AUTS2: variants seen among roughly 807,000 people sequenced by gnomAD.
AUTS2 encodes the protein activator of transcription and developmental regulator AUTS2.
Under a neutral mutation model 112.4 loss-of-function variants are expected in AUTS2, and 17 were observed. That is an observed-to-expected ratio of 0.15 (90% confidence interval 0.10 to 0.23). The LOEUF is 0.23. Ranked by LOEUF, AUTS2 falls within the 10% of genes least tolerant of loss-of-function variation. The pLI is 1.00. For missense variants in AUTS2, 1,510 were observed against 1,701.6 expected (o/e 0.89, Z 1.98); for synonymous variants, 751 against 702.7 (o/e 1.07, Z -1.09).
At chr7:69,788,849 C>A (rs930940079) in intron 1 of AUTS2, among the ~76,000 whole-genome samples, 1 of 151,410 alleles carries the variant, frequency 6.6e-6, no homozygotes, top group Admixed American at 6.6e-5. Flanking sequence ...GAATCAAATA[C>A]ACTGGGGAAC....
At chr7:70,547,340 C>T (rs545835763) in intron 5 of AUTS2, among the ~76,000 whole-genome samples, 27 of 152,304 alleles carry the variant, frequency 1.8e-4, no homozygotes, top group East Asian at 5.8e-4. Context: ...CTGCAACCTC[C>T]GCCTCCCGGG....
intron 4 of AUTS2, among the ~76,000 whole-genome samples, chr7:70,189,140 A>G (rs900883582): frequency 4.6e-5 from 7 of 152,280 alleles, no homozygotes; most frequent in African/African-American, 1.7e-4. Flanking sequence ...GCTCATCCTC[A>G]TTTCTCAGGA....
At chr7:70,412,482 A>C (rs1255169155) in intron 4 of AUTS2, among the ~76,000 whole-genome samples, 1 of 152,178 alleles carries the variant, frequency 6.6e-6, no homozygotes, top group African/African-American at 2.4e-5. Context: ...CATCTGTAGA[A>C]TAACACCATA....
intron 1 of AUTS2, among the ~76,000 whole-genome samples, chr7:69,707,377 G>A (rs1433788430): frequency 6.6e-6 from 1 of 152,190 alleles, no homozygotes; most frequent in East Asian, 1.9e-4. Context: ...TATATAGCAA[G>A]TACCTAGCTT....
At chr7:70,072,249 A>T (rs1186653089) in intron 2 of AUTS2, among the ~76,000 whole-genome samples, 1 of 151,908 alleles carries the variant, frequency 6.6e-6, no homozygotes, top group African/African-American at 2.4e-5. Flanking sequence ...TTCTGGGTAA[A>T]AATCAGAGTG....
chr7:69,965,020 T>C (rs1020985809), intron 2 of AUTS2, among the ~76,000 whole-genome samples: 6 of 152,060 alleles, frequency 3.9e-5, no homozygotes, highest in Non-Finnish European at 8.8e-5. Context: ...CCCAGCAGCA[T>C]GTCACTCATC....
chr7:70,125,017 A>C (rs931522524), intron 3 of AUTS2, among the ~76,000 whole-genome samples: 3 of 152,218 alleles, frequency 2.0e-5, no homozygotes, highest in African/African-American at 7.2e-5. Context: ...AATAGTTATT[A>C]CAGCTTTTAC....
At chr7:70,211,032 T>A (rs1312800990) in intron 4 of AUTS2, among the ~76,000 whole-genome samples, 2 of 152,092 alleles carry the variant, frequency 1.3e-5, no homozygotes, top group Non-Finnish European at 2.9e-5. Flanking sequence ...CAATGTCAAA[T>A]GAACTGCCAA....
chr7:70,323,405 G>T (rs1732679041), intron 4 of AUTS2, among the ~76,000 whole-genome samples: 1 of 152,182 alleles, frequency 6.6e-6, no homozygotes, highest in Non-Finnish European at 1.5e-5. Context: ...TCATGAAGTG[G>T]TATTGGAAGG....
chr7:70,102,199 A>G (rs563839009), intron 2 of AUTS2, among the ~76,000 whole-genome samples: 3 of 150,770 alleles, frequency 2.0e-5, no homozygotes, highest in Admixed American at 6.6e-5. Context: ...GCTCACCGCA[A>G]GCTCTGGCTC....
intron 5 of AUTS2, among the ~76,000 whole-genome samples, chr7:70,589,391 C>A (rs895040058): frequency 1.6e-5 from 2 of 124,404 alleles, no homozygotes; most frequent in African/African-American, 5.4e-5. Flanking sequence ...GTGCACAAAA[C>A]CCCCTGGGAA....
intron 1 of AUTS2, among the ~76,000 whole-genome samples, chr7:69,616,995 G>GA (rs940994692): frequency 6.6e-6 from 1 of 152,084 alleles, no homozygotes; most frequent in African/African-American, 2.4e-5. Context: ...TAGTAAATTA[G>GA]AAAAAATAGA....
At position 69,870,448 on chromosome 7, in the gene AUTS2, A is replaced by ATATATATATATATATATATATAT. The variant is rs1554395050; in HGVS notation, c.310-28838_310-28837insTATATATATATATATATATATAT. Among the ~76,000 whole-genome samples the ATATATATATATATATATATATAT allele has an allele frequency of 5.9e-3, 464 of 78,950 alleles. 8 individuals are homozygous for ATATATATATATATATATATATAT. The highest frequency in any genetic ancestry group is 6.7e-3 in the Non-Finnish European group (264 of 39,444). The allele number at this position is 78,950 out of a possible 152,430, so 51.8% of individuals were successfully genotyped here. ...TACATATCTGTGCGTATGTGTGTGT[A>ATATATATATATATATATATATAT]ATATATATATATATATATGTATTCA... On this transcript the variant is annotated intron_variant, in intron 1 of 18. Transcript: ENST00000342771.
At chr7:70,158,908 A>ATATGATAT (rs145569306) in intron 4 of AUTS2, among the ~76,000 whole-genome samples, 4,363 of 152,258 alleles carry the variant, frequency 0.029, 241 homozygotes, top group African/African-American at 0.1. Flanking sequence ...AATCATCTAC[A>ATATGATAT]TATGATATGA....
At chr7:69,725,627 G>A (rs1562839364) in intron 1 of AUTS2, among the ~76,000 whole-genome samples, 1 of 152,170 alleles carries the variant, frequency 6.6e-6, no homozygotes, top group African/African-American at 2.4e-5. Flanking sequence ...GTGCAATGAG[G>A]CTGGAGAACT....
chr7:70,578,079 C>T (rs371255271), intron 5 of AUTS2, among the ~76,000 whole-genome samples: 3 of 152,296 alleles, frequency 2.0e-5, no homozygotes, highest in East Asian at 3.9e-4. Context: ...ATCTGCCCGC[C>T]TCGGCCTCTC....
At chr7:70,626,824 G>A (rs753813340) in intron 5 of AUTS2, among the ~76,000 whole-genome samples, 1 of 152,150 alleles carries the variant, frequency 6.6e-6, no homozygotes, top group Non-Finnish European at 1.5e-5. Context: ...CTGCACTCGT[G>A]TTGCTGCAAA....
chr7:70,053,544 G>GTTGTTTTTTTTTTTT (rs1801849682), intron 2 of AUTS2, among the ~76,000 whole-genome samples: 1 of 127,848 alleles, frequency 7.8e-6, no homozygotes, highest in African/African-American at 3.1e-5. Context: ...GTTTTGGGTG[G>GTTGTTTTTTTTTTTT]TTTTTTTTTT....
Position 70,427,020 on chromosome 7 carries a change from A to C in AUTS2, c.661-8732A>C, listed in dbSNP as rs541377320. Reference sequence around the variant, plus strand: ...GGGCTCAGACCCCACCCAAAGCACCAAGAAACTATATATGGGAAGGGAAAA... The same window carrying C: ...GGGCTCAGACCCCACCCAAAGCACCCAGAAACTATATATGGGAAGGGAAAA... On this transcript the variant is annotated intron_variant, in intron 4 of 18. Transcript: ENST00000342771. Among the ~76,000 whole-genome samples the C allele has an allele frequency of 3.6e-4, 54 of 150,340 alleles. 1 individual carries two copies. Among genetic ancestry groups the C allele is most frequent in the African/African-American group, 1.3e-3 (53 of 40,110 alleles).
Sources: allele counts gnomAD v4.1 joint callset (sites outside exome capture counted in the v4.1 genomes callset), GRCh38; gene constraint gnomAD v4.1.1; transcripts MANE v1.5; gene names NCBI Gene and HGNC (gene_info 2026-07-23, HGNC 2026-07-21).